LINGO2: variants seen among roughly 807,000 people sequenced by gnomAD.
LINGO2 encodes the protein leucine-rich repeat and immunoglobulin-like domain-containing nogo receptor-interacting protein 2.
Under a neutral mutation model 30.6 loss-of-function variants are expected in LINGO2, and 14 were observed. That is an observed-to-expected ratio of 0.46 (90% CI 0.30 to 0.72). The LOEUF (loss-of-function observed/expected upper bound fraction) is 0.72, where lower values mean the gene tolerates loss of function less well. Among genes scored for constraint, LINGO2 ranks in the 30% least tolerant of loss-of-function variants. The pLI, the probability that LINGO2 is intolerant of heterozygous loss-of-function variation, is 0.07. For missense variants in LINGO2, 729 were observed against 751.7 expected (o/e 0.97, Z 0.35); for synonymous variants, 317 against 288.5 (o/e 1.10, Z -1.00).
chr9:28,486,700 G>A (rs992102977), intron 1 of LINGO2, among the ~76,000 whole-genome samples: 19 of 128,056 alleles, frequency 1.5e-4, no homozygotes, highest in African/African-American at 3.8e-4. Context: ...CCAAACAAAT[G>A]GTACTTCAAT....
At chr9:29,124,442 C>T in the LINGO2 span, among the ~76,000 whole-genome samples, 1 of 152,116 alleles carries the variant, frequency 6.6e-6, no homozygotes, top group African/African-American at 2.4e-5. Context: ...AGCTTCTGCA[C>T]AGCAAAAGAA....
At chr9:28,146,784 C>A (rs1317281678) in intron 4 of LINGO2, among the ~76,000 whole-genome samples, 1 of 152,152 alleles carries the variant, frequency 6.6e-6, no homozygotes, top group Non-Finnish European at 1.5e-5. Context: ...TCACAATGAC[C>A]AAATTATGTT....
At chr9:29,033,130 T>C in the LINGO2 span, among the ~76,000 whole-genome samples, 1 of 152,122 alleles carries the variant, frequency 6.6e-6, no homozygotes, top group Non-Finnish European at 1.5e-5. Flanking sequence ...TATTCTTCAA[T>C]TGAATTATTT....
At chr9:28,014,648 C>T (rs1006298159) in intron 4 of LINGO2, among the ~76,000 whole-genome samples, 1 of 152,160 alleles carries the variant, frequency 6.6e-6, no homozygotes, top group Non-Finnish European at 1.5e-5. Context: ...TATAAACATT[C>T]ATCTACTAGT....
intron 4 of LINGO2, among the ~76,000 whole-genome samples, chr9:28,216,253 T>C (rs1037324899): frequency 1.3e-5 from 2 of 151,912 alleles, no homozygotes; most frequent in Admixed American, 6.6e-5. Context: ...GGATAGCTTT[T>C]CTAATTCAGG....
At chr9:28,912,015 CATTGCAATATGAAGAAAA>C in the LINGO2 span, among the ~76,000 whole-genome samples, 1 of 152,050 alleles carries the variant, frequency 6.6e-6, no homozygotes, top group Non-Finnish European at 1.5e-5. Flanking sequence ...GCTAAATATG[CATTGCAATATGAAGAAAA>C]ATTATTTAGA....
At chr9:28,235,861 G>C (rs1214028565) in intron 4 of LINGO2, among the ~76,000 whole-genome samples, 2 of 152,184 alleles carry the variant, frequency 1.3e-5, no homozygotes, top group East Asian at 3.9e-4. Flanking sequence ...AAATGTAAGA[G>C]TTATTGACCG....
At chr9:28,050,362 C>T (rs1479919580) in intron 4 of LINGO2, among the ~76,000 whole-genome samples, 2 of 150,650 alleles carry the variant, frequency 1.3e-5, no homozygotes, top group Non-Finnish European at 2.9e-5. Context: ...TATCTGGAGT[C>T]TTGACAGCAA....
At chr9:28,906,975 C>G in the LINGO2 span, among the ~76,000 whole-genome samples, 110,797 of 151,786 alleles carry the variant, frequency 0.73, 40,674 homozygotes, top group Non-Finnish European at 0.78. Flanking sequence ...CAGAACAAAA[C>G]TCACCTAAAG....
the LINGO2 span, among the ~76,000 whole-genome samples, chr9:28,923,846 G>T: frequency 5.9e-5 from 9 of 152,102 alleles, no homozygotes; most frequent in African/African-American, 2.2e-4. Context: ...AATAATATTT[G>T]CAAGTAAAGA....
chr9:28,823,993 C>G, the LINGO2 span, among the ~76,000 whole-genome samples: 1 of 151,742 alleles, frequency 6.6e-6, no homozygotes, highest in African/African-American at 2.4e-5. Context: ...ACAAACTAAA[C>G]CAAAGAAACA....
intron 2 of LINGO2, among the ~76,000 whole-genome samples, chr9:28,373,924 G>A (rs1002174062): frequency 1.3e-5 from 2 of 151,114 alleles, no homozygotes; most frequent in African/African-American, 4.9e-5. Flanking sequence ...AAAAGATATG[G>A]ATTCAGACAA....
chr9:28,764,880 A>G, the LINGO2 span, among the ~76,000 whole-genome samples: 10,788 of 151,944 alleles, frequency 0.071, 1,360 homozygotes, highest in African/African-American at 0.24. Flanking sequence ...AAAGGAAGCT[A>G]AAAAAACTAC....
the LINGO2 span, among the ~76,000 whole-genome samples, chr9:28,892,255 G>A: frequency 6.6e-6 from 1 of 151,958 alleles, no homozygotes; most frequent in Non-Finnish European, 1.5e-5. Flanking sequence ...AAGTTCTCAA[G>A]TTTGAGATTT....
At chr9:29,087,075 C>G in the LINGO2 span, among the ~76,000 whole-genome samples, 1 of 152,116 alleles carries the variant, frequency 6.6e-6, no homozygotes, top group Non-Finnish European at 1.5e-5. Context: ...CGGGGTTTCA[C>G]CATGTTGGCC....
At chr9:28,545,701 T>G (rs1249334861) in intron 1 of LINGO2, among the ~76,000 whole-genome samples, 1 of 151,986 alleles carries the variant, frequency 6.6e-6, no homozygotes, top group Admixed American at 6.6e-5. Flanking sequence ...GCCTGGGTAT[T>G]TGTATTTTAT....
the LINGO2 span, among the ~76,000 whole-genome samples, chr9:29,104,622 T>C: frequency 6.6e-6 from 1 of 152,098 alleles, no homozygotes; most frequent in Admixed American, 6.5e-5. Flanking sequence ...GGAGACGAAA[T>C]ACCAAAGAAG....
At chr9:27,953,543 TG>T (rs1298563481) in intron 5 of LINGO2, among the ~76,000 whole-genome samples, 2 of 152,132 alleles carry the variant, frequency 1.3e-5, no homozygotes, top group Non-Finnish European at 2.9e-5. Flanking sequence ...AACTGAATAG[TG>T]GGGGTGGTTA....
chr9:28,459,552 A>T (rs1824991191), intron 2 of LINGO2, among the ~76,000 whole-genome samples: 2 of 152,068 alleles, frequency 1.3e-5, no homozygotes, highest in African/African-American at 4.8e-5. Flanking sequence ...TAATATTTCC[A>T]GGTAGATGAA....
Sources: allele counts gnomAD v4.1 joint callset (sites outside exome capture counted in the v4.1 genomes callset), GRCh38; gene constraint gnomAD v4.1.1; transcripts MANE v1.5; gene names NCBI Gene and HGNC (gene_info 2026-07-23, HGNC 2026-07-21).